NALF1: variants seen among roughly 807,000 people sequenced by gnomAD.
NALF1 encodes the protein NALCN channel auxiliary factor 1, also known as family with sequence similarity 155 member A.
NALF1 carries 3 observed loss-of-function variants against 48.4 expected under a neutral mutation model. That is an observed-to-expected ratio of 0.06 (90% CI 0.03 to 0.16). NALF1 has a LOEUF of 0.16. Ranked by LOEUF, NALF1 falls within the 10% of genes least tolerant of loss-of-function variation. The pLI is 1.00. For missense variants in NALF1, 526 were observed against 571.5 expected, an observed-to-expected ratio of 0.92 and a Z score of 0.81; for synonymous variants, 262 against 245.7, an observed-to-expected ratio of 1.07 and a Z score of -0.62.
At chr13:107,391,505 C>G (rs1466997601) in intron 1 of NALF1, among the ~76,000 whole-genome samples, 1 of 152,126 alleles carries the variant, frequency 6.6e-6, no homozygotes, top group Non-Finnish European at 1.5e-5. Context: ...TCTTTGTTTT[C>G]CTTCCTTTCT....
At chr13:107,287,831 G>A (rs1029332047) in intron 1 of NALF1, among the ~76,000 whole-genome samples, 3 of 149,304 alleles carry the variant, frequency 2.0e-5, no homozygotes, top group African/African-American at 7.4e-5. Flanking sequence ...TCAGCCTCCC[G>A]AGTAACTGGG....
chr13:107,269,382 G>T lies in NALF1; in HGVS notation c.916-58627C>A, dbSNP rs114261668. 6.1e-3 allele frequency among the ~76,000 whole-genome samples: 927 copies of T among 152,068 alleles called. 9 individuals are homozygous for T. Among genetic ancestry groups the T allele is most frequent in the African/African-American group, 0.022 (895 of 41,464 alleles). On this transcript the variant is annotated intron_variant, in intron 1 of 2. Transcript: ENST00000375915. ...GGATAAATTTATATCTTGCAGAGTG[G>T]ATAGTAAATGTTATTTACTATAACC...
At chr13:107,606,302 G>C (rs28567036) in intron 1 of NALF1, among the ~76,000 whole-genome samples, 1 of 146,424 alleles carries the variant, frequency 6.8e-6, no homozygotes, top group Admixed American at 7.1e-5. Context: ...GTGTGTGTAT[G>C]TATACATATA....
chr13:107,690,234 C>T (rs1272999121), intron 1 of NALF1, among the ~76,000 whole-genome samples: 1 of 152,174 alleles, frequency 6.6e-6, no homozygotes, highest in Non-Finnish European at 1.5e-5. Context: ...TTAGCCATGA[C>T]ATTATGCTTT....
At chr13:107,355,139 T>C (rs1264616035) in intron 1 of NALF1, among the ~76,000 whole-genome samples, 2 of 152,174 alleles carry the variant, frequency 1.3e-5, no homozygotes, top group African/African-American at 4.8e-5. Context: ...CTCATCCATC[T>C]GGGGGCAGCA....
chr13:107,600,473 TCTAA>T (rs939483387), intron 1 of NALF1, among the ~76,000 whole-genome samples: 2 of 60,818 alleles, frequency 3.3e-5, no homozygotes, highest in Non-Finnish European at 6.9e-5. Context: ...GGCCAGATAT[TCTAA>T]CTATGTTATT....
At chr13:107,598,740 T>C (rs937507622) in intron 1 of NALF1, among the ~76,000 whole-genome samples, 1 of 152,198 alleles carries the variant, frequency 6.6e-6, no homozygotes, top group Admixed American at 6.5e-5. Flanking sequence ...GCACTCTTAC[T>C]TACTCAGGTC....
chr13:107,417,133 A>C (rs921537860), intron 1 of NALF1, among the ~76,000 whole-genome samples: 2 of 152,152 alleles, frequency 1.3e-5, no homozygotes, highest in Non-Finnish European at 2.9e-5. Flanking sequence ...CTGTTGTTTA[A>C]CTCTTTAAGT....
intron 1 of NALF1, among the ~76,000 whole-genome samples, chr13:107,749,085 C>T: frequency 6.7e-6 from 1 of 150,312 alleles, no homozygotes; most frequent in East Asian, 2.0e-4. Context: ...GGGTGATGAG[C>T]TAAAATCAAT....
intron 1 of NALF1, among the ~76,000 whole-genome samples, chr13:107,215,250 CTTTTTCTT>C (rs1365034965): frequency 2.0e-5 from 3 of 152,184 alleles, no homozygotes; most frequent in Non-Finnish European, 2.9e-5. Context: ...CGAACATATC[CTTTTTCTT>C]TTTTTCTTTT....
intron 1 of NALF1, among the ~76,000 whole-genome samples, chr13:107,461,150 G>A (rs1400178181): frequency 6.6e-6 from 1 of 151,506 alleles, no homozygotes; most frequent in African/African-American, 2.4e-5. Flanking sequence ...CCCAAGCTAT[G>A]GATTAAACCC....
intron 1 of NALF1, among the ~76,000 whole-genome samples, chr13:107,772,357 A>T (rs1053151264): frequency 1.3e-5 from 2 of 152,078 alleles, no homozygotes; most frequent in Non-Finnish European, 2.9e-5. Flanking sequence ...AGTAGTGAAA[A>T]TTTTTTAAAA....
At chr13:107,479,416 A>AT (rs1566359296) in intron 1 of NALF1, among the ~76,000 whole-genome samples, 2 of 152,110 alleles carry the variant, frequency 1.3e-5, no homozygotes, top group Non-Finnish European at 2.9e-5. Context: ...ATTTTAAAAT[A>AT]TTTTTATTTC....
chr13:107,239,382 C>T (rs1015831176), intron 1 of NALF1, among the ~76,000 whole-genome samples: 16 of 152,280 alleles, frequency 1.1e-4, no homozygotes, highest in Middle Eastern at 6.8e-3. Context: ...CTCTGCCTCT[C>T]TGGTCACATG....
chr13:107,641,031 T>C (rs944337098), intron 1 of NALF1, among the ~76,000 whole-genome samples: 2 of 152,202 alleles, frequency 1.3e-5, no homozygotes, highest in African/African-American at 4.8e-5. Flanking sequence ...GATAAATGGA[T>C]AACTAAAATA....
intron 1 of NALF1, among the ~76,000 whole-genome samples, chr13:107,339,447 T>C (rs1046228888): frequency 1.2e-4 from 18 of 151,994 alleles, no homozygotes; most frequent in African/African-American, 4.4e-4. Flanking sequence ...CTTCCACCTC[T>C]GATTTTGTTG....
At chr13:107,635,080 A>G (rs1302401629) in intron 1 of NALF1, among the ~76,000 whole-genome samples, 1 of 152,152 alleles carries the variant, frequency 6.6e-6, no homozygotes, top group Non-Finnish European at 1.5e-5. Flanking sequence ...AAATACGAAT[A>G]TGTGAGTATC....
rs957379144 is a variant in NALF1 at position 107,362,675 on chromosome 13, C to T, written c.916-151920G>A. Among the ~76,000 whole-genome samples the T allele has an allele frequency of 2.6e-5, 4 of 151,052 alleles. No homozygotes were observed. Among genetic ancestry groups the T allele is most frequent in the Non-Finnish European group, 5.9e-5 (4 of 68,016 alleles). On this transcript the variant is annotated intron_variant, in intron 1 of 2. Coordinates refer to ENST00000375915, the MANE Select transcript of NALF1 (RefSeq NM_001080396.3). The surrounding 1 kb of genome is among the most constrained non-coding windows in gnomAD (Gnocchi z 4.6). ...CAGATTCTGGGAGTTAGGACCTCAA[C>T]ATATTTTGCTGGGGGGACACAATTC...
chr13:107,543,089 A>G (rs941979355), intron 1 of NALF1, among the ~76,000 whole-genome samples: 1 of 152,200 alleles, frequency 6.6e-6, no homozygotes, highest in African/African-American at 2.4e-5. Context: ...CTCTACTTGC[A>G]TTCTGAACAA....
Sources: allele counts gnomAD v4.1 joint callset (sites outside exome capture counted in the v4.1 genomes callset), GRCh38; gene constraint gnomAD v4.1.1; non-coding constraint Gnocchi (gnomAD v3.1); transcripts MANE v1.5; gene names NCBI Gene and HGNC (gene_info 2026-07-23, HGNC 2026-07-21).